CTNNA3: variants seen among roughly 807,000 people sequenced by gnomAD.
CTNNA3 encodes catenin alpha 3.
Under a neutral mutation model 95.7 loss-of-function variants are expected in CTNNA3, and 76 were observed. The ratio of observed to expected loss-of-function variants is 0.79; its 90% CI spans 0.66 to 0.96. CTNNA3 has a LOEUF of 0.96. Ranked by LOEUF, CTNNA3 falls within the 40% of genes least tolerant of loss-of-function variation. The probability of loss-of-function intolerance (pLI) is 0.00; values close to 1 mark genes in which losing one functional copy is unlikely to be tolerated. For synonymous variants in CTNNA3, 431 were observed against 374.4 expected, an observed-to-expected ratio of 1.15 and a Z score of -1.74; for missense variants, 1,191 against 1,089.8, an observed-to-expected ratio of 1.09 and a Z score of -1.31.
At chr10:66,295,467 A>C (rs576539865) in intron 12 of CTNNA3, among the ~76,000 whole-genome samples, 19 of 152,198 alleles carry the variant, frequency 1.2e-4, no homozygotes, top group Non-Finnish European at 2.8e-4. Flanking sequence ...AGAAAGTGGC[A>C]CCAGAATTGA....
intron 1 of CTNNA3, among the ~76,000 whole-genome samples, chr10:67,710,667 TG>T (rs1841102309): frequency 6.6e-6 from 1 of 152,214 alleles, no homozygotes; most frequent in Non-Finnish European, 1.5e-5. Context: ...CAAAGGGTAC[TG>T]GGTGTAGACA....
chr10:67,085,934 T>C (rs993856593), intron 7 of CTNNA3, among the ~76,000 whole-genome samples: 5 of 151,916 alleles, frequency 3.3e-5, no homozygotes, highest in African/African-American at 1.2e-4. Flanking sequence ...ATATAAAGCC[T>C]CATAGCAACA....
At chr10:66,765,606 T>C (rs547507197) in intron 9 of CTNNA3, among the ~76,000 whole-genome samples, 2 of 152,180 alleles carry the variant, frequency 1.3e-5, no homozygotes, top group Non-Finnish European at 2.9e-5. Context: ...GTCTCTTAAA[T>C]ATACTTGTGT....
chr10:67,683,165 T>C (rs965928078), intron 1 of CTNNA3, among the ~76,000 whole-genome samples: 1 of 152,230 alleles, frequency 6.6e-6, no homozygotes, highest in African/African-American at 2.4e-5. Context: ...TTGCAGAGTC[T>C]AACAGAAAAG....
intron 7 of CTNNA3, among the ~76,000 whole-genome samples, chr10:67,007,796 T>G (rs1365118212): frequency 6.6e-6 from 1 of 151,994 alleles, no homozygotes; most frequent in Non-Finnish European, 1.5e-5. Flanking sequence ...AATTGTCAAG[T>G]AACTCAAAAG....
chr10:67,426,521 C>A, intron 5 of CTNNA3, among the ~76,000 whole-genome samples: 1 of 151,896 alleles, frequency 6.6e-6, no homozygotes, highest in East Asian at 1.9e-4. Context: ...ATGGATGAAG[C>A]TGGAAATCAT....
intron 12 of CTNNA3, among the ~76,000 whole-genome samples, chr10:66,310,686 C>CTTTTTT (rs370233209): frequency 7.5e-6 from 1 of 132,610 alleles, no homozygotes. Flanking sequence ...TTATACATAA[C>CTTTTTT]TTTTTTTTTT....
At chr10:66,730,637 T>G in intron 9 of CTNNA3, among the ~76,000 whole-genome samples, 1 of 152,172 alleles carries the variant, frequency 6.6e-6, no homozygotes, top group Non-Finnish European at 1.5e-5. Flanking sequence ...TCCTGTCTTT[T>G]CACATTCCCC....
chr10:66,088,088 TTA>T (rs2133679277), intron 14 of CTNNA3, among the ~76,000 whole-genome samples: 1 of 152,194 alleles, frequency 6.6e-6, no homozygotes, highest in Admixed American at 6.6e-5. Context: ...TATTTTTTCC[TTA>T]TGTTTATTTG....
chr10:66,697,500 T>G (rs955029212), intron 9 of CTNNA3, among the ~76,000 whole-genome samples: 3 of 152,062 alleles, frequency 2.0e-5, no homozygotes, highest in Admixed American at 1.3e-4. Flanking sequence ...TATATTAAAA[T>G]ATAGGTTTAT....
intron 13 of CTNNA3, among the ~76,000 whole-genome samples, chr10:66,199,343 T>G (rs531343960): frequency 9.2e-5 from 14 of 152,228 alleles, no homozygotes; most frequent in Admixed American, 7.8e-4. Flanking sequence ...CTGCCCAAAT[T>G]AATATACTTC....
rs553427296 is a variant in CTNNA3 at position 67,542,135 on chromosome 10, A to G, written c.293-2466T>C. ...AGTCACTCCCAAAATACATTAATAA[A>G]GATGCTACAACTTAAATTCTTATTG... On this transcript the variant is annotated intron_variant, in intron 3 of 17. Coordinates refer to ENST00000433211, the MANE Select transcript of CTNNA3 (RefSeq NM_013266.4). Among the ~76,000 whole-genome samples the G allele has an allele frequency of 7.1e-4, 108 of 152,220 alleles. 1 individual carries two copies. Among genetic ancestry groups the G allele is most frequent in the African/African-American group, 2.4e-3 (101 of 41,580 alleles).
chr10:66,575,409 A>G (rs2132176950), intron 10 of CTNNA3, among the ~76,000 whole-genome samples: 1 of 152,244 alleles, frequency 6.6e-6, no homozygotes, highest in Non-Finnish European at 1.5e-5. Flanking sequence ...GAAGATTTAA[A>G]TTATAAGAGG....
chr10:66,447,828 G>T (rs1306478464), intron 11 of CTNNA3, among the ~76,000 whole-genome samples: 1 of 151,816 alleles, frequency 6.6e-6, no homozygotes, highest in Non-Finnish European at 1.5e-5. Context: ...TGACAAATGG[G>T]GTCTAATTAA....
intron 7 of CTNNA3, among the ~76,000 whole-genome samples, chr10:66,915,112 T>G (rs1426471320): frequency 6.6e-6 from 1 of 151,442 alleles, no homozygotes; most frequent in South Asian, 2.1e-4. Context: ...GATCATTTTT[T>G]GAAACATACA....
At chr10:67,357,636 T>A (rs887675741) in intron 5 of CTNNA3, among the ~76,000 whole-genome samples, 2 of 152,082 alleles carry the variant, frequency 1.3e-5, no homozygotes. Context: ...AAAACCATCA[T>A]AATAAAAATA....
chr10:67,142,429 A>G (rs1383079355), intron 7 of CTNNA3, among the ~76,000 whole-genome samples: 1 of 152,160 alleles, frequency 6.6e-6, no homozygotes, highest in Non-Finnish European at 1.5e-5. Flanking sequence ...CAATGAGTGA[A>G]CCTGCTGGGT....
chr10:67,607,472 G>A (rs1478796238), intron 2 of CTNNA3, among the ~76,000 whole-genome samples: 1 of 152,132 alleles, frequency 6.6e-6, no homozygotes, highest in African/African-American at 2.4e-5. Context: ...TGAGGAAGAT[G>A]AAGAAGAAGA....
At chr10:66,237,134 T>C (rs2089894108) in intron 13 of CTNNA3, among the ~76,000 whole-genome samples, 1 of 151,996 alleles carries the variant, frequency 6.6e-6, no homozygotes, top group Admixed American at 6.6e-5. Flanking sequence ...ATGATCATAA[T>C]AATAACCCAA....
Sources: allele counts gnomAD v4.1 joint callset (sites outside exome capture counted in the v4.1 genomes callset), GRCh38; gene constraint gnomAD v4.1.1; transcripts MANE v1.5; gene names NCBI Gene and HGNC (gene_info 2026-07-23, HGNC 2026-07-21).